Variants in MGMT observed in about 807,000 individuals in gnomAD.
MGMT encodes methylated-DNA--protein-cysteine methyltransferase.
A neutral mutation model predicts 15.9 loss-of-function variants in MGMT; 14 were observed. The observed-to-expected ratio is 0.88, with a 90% CI of 0.58 to 1.37. The LOEUF (loss-of-function observed/expected upper bound fraction) is 1.37, where lower values mean the gene tolerates loss of function less well. Ranked by LOEUF, MGMT falls within the 40% of genes most tolerant of loss-of-function variation. The pLI is 0.00. For synonymous variants in MGMT, 130 were observed against 118.2 expected (o/e 1.10, Z -0.65); for missense variants, 282 against 268.1 (o/e 1.05, Z -0.36).
At chr10:129,733,330 G>A (rs1163057851) in intron 3 of MGMT, among the ~76,000 whole-genome samples, 1 of 151,988 alleles carries the variant, frequency 6.6e-6, no homozygotes, top group East Asian at 1.9e-4. Context: ...ATTTTTTCAT[G>A]TGTTTTTTGG....
At chr10:129,536,796 G>C (rs1045560093) in intron 2 of MGMT, 1 of 153,180 alleles carries the variant, frequency 6.5e-6, no homozygotes, top group African/African-American at 2.4e-5. Context: ...TGTTCCTCCA[G>C]AGTCTGCCAG....
rs535968043 is a variant in MGMT, at chr10:129,524,647, A to G, written c.-12-11594A>G. ...CGCTCTGTCGCCCAGGCTGGAGTGC[A>G]GTGGCGTGATCTCAGCTCACTGCAA... is the stretch of plus-strand genomic sequence containing the variant. On this transcript the variant is annotated intron_variant, in intron 1 of 4. Coordinates refer to ENST00000651593, the MANE Select transcript of MGMT (RefSeq NM_002412.5). 4.0e-5 allele frequency among the ~76,000 whole-genome samples: 5 copies of G among 126,200 alleles called. No homozygotes were observed. The South Asian group carries it at 7.9e-4, about 20-fold the overall frequency. The allele number at this position is 126,200 out of a possible 152,430, so 82.8% of individuals were successfully genotyped here.
At chr10:129,644,522 G>A (rs566419596) in intron 2 of MGMT, among the ~76,000 whole-genome samples, 3 of 152,136 alleles carry the variant, frequency 2.0e-5, no homozygotes, top group Non-Finnish European at 4.4e-5. Flanking sequence ...CCACTGCAAA[G>A]GGCCCCATGA....
intron 2 of MGMT, among the ~76,000 whole-genome samples, chr10:129,606,493 A>T (rs1051172384): frequency 2.6e-5 from 4 of 152,220 alleles, no homozygotes; most frequent in Non-Finnish European, 2.9e-5. Flanking sequence ...TGCTGTGGGC[A>T]CCGAGGGCCT....
chr10:129,680,911 T>A (rs1300282530), intron 2 of MGMT, among the ~76,000 whole-genome samples: 1 of 152,204 alleles, frequency 6.6e-6, no homozygotes, highest in Non-Finnish European at 1.5e-5. Flanking sequence ...TGTGCGTGCT[T>A]CCTGAGCGAC....
chr10:129,540,812 G>A (rs1175985900), intron 2 of MGMT, among the ~76,000 whole-genome samples: 1 of 152,192 alleles, frequency 6.6e-6, no homozygotes, highest in African/African-American at 2.4e-5. Context: ...ATCTGGGTCT[G>A]GTGTCAGAAG....
chr10:129,565,049 G>A (rs975828581), intron 2 of MGMT, among the ~76,000 whole-genome samples: 2 of 152,218 alleles, frequency 1.3e-5, no homozygotes, highest in East Asian at 1.9e-4. Context: ...TTTGCGACAC[G>A]CACATTCTGC....
At chr10:129,588,266 C>T (rs559134446) in intron 2 of MGMT, among the ~76,000 whole-genome samples, 6 of 152,146 alleles carry the variant, frequency 3.9e-5, no homozygotes, top group Non-Finnish European at 7.3e-5. Flanking sequence ...TTGGTTTCAC[C>T]CGGAGAAACC....
chr10:129,618,061 C>G (rs1847048662), intron 2 of MGMT, among the ~76,000 whole-genome samples: 1 of 152,060 alleles, frequency 6.6e-6, no homozygotes, highest in African/African-American at 2.4e-5. Context: ...GGAGGCATCT[C>G]TGAAATTTCT....
In MGMT at chr10:129,759,121, G is replaced by A. The variant is rs546356899; in HGVS notation, c.275-81G>A. 74 of 1,549,860 alleles carry A rather than the reference G, an allele frequency of 4.8e-5. No homozygotes were observed. In the African/African-American group the frequency reaches 9.0e-4, roughly 19 times the overall value. ...CTCTATTTGTGTAGATGCGTTTCCT[G>A]TTTTGGGACTAGTGGCTATTTATAT... On this transcript the variant is annotated intron_variant, in intron 3 of 4. Coordinates refer to ENST00000651593, the MANE Select transcript of MGMT (RefSeq NM_002412.5).
At chr10:129,513,721 G>A (rs1302005369) in intron 1 of MGMT, among the ~76,000 whole-genome samples, 2 of 152,146 alleles carry the variant, frequency 1.3e-5, no homozygotes, top group Non-Finnish European at 2.9e-5. Flanking sequence ...TGTAAAACAA[G>A]GGAAGGCCAT....
intron 1 of MGMT, among the ~76,000 whole-genome samples, chr10:129,501,947 C>T (rs1320166434): frequency 6.6e-6 from 1 of 152,190 alleles, no homozygotes; most frequent in East Asian, 1.9e-4. Flanking sequence ...TGTGGTGCTT[C>T]TTGGTAGATG....
intron 2 of MGMT, among the ~76,000 whole-genome samples, chr10:129,646,109 A>G (rs1274031119): frequency 2.6e-5 from 4 of 152,196 alleles, no homozygotes; most frequent in Non-Finnish European, 5.9e-5. Flanking sequence ...TAAGCCAGAC[A>G]CTGCGTTTGA....
chr10:129,595,592 C>CT (rs1846742059), intron 2 of MGMT, among the ~76,000 whole-genome samples: 1 of 152,074 alleles, frequency 6.6e-6, no homozygotes, highest in Admixed American at 6.5e-5. Context: ...TGACTGGATG[C>CT]GTTTATGTGG....
chr10:129,713,073 C>T (rs1157523854), intron 3 of MGMT, among the ~76,000 whole-genome samples: 1 of 152,140 alleles, frequency 6.6e-6, no homozygotes, highest in Non-Finnish European at 1.5e-5. Context: ...CAGGCTTTGT[C>T]CTTTCAGCAC....
chr10:129,581,234 G>A (rs553465512), intron 2 of MGMT, among the ~76,000 whole-genome samples: 16 of 152,218 alleles, frequency 1.1e-4, no homozygotes, highest in African/African-American at 3.6e-4. Flanking sequence ...CATTCCATCC[G>A]CTGTGGCTGA....
chr10:129,489,212 T>C (rs1315751627), intron 1 of MGMT, among the ~76,000 whole-genome samples: 1 of 151,476 alleles, frequency 6.6e-6, no homozygotes, highest in African/African-American at 2.4e-5. Flanking sequence ...TAGAAAAAAT[T>C]AGCTGGGTGT....
intron 1 of MGMT, among the ~76,000 whole-genome samples, chr10:129,514,023 T>C (rs1187934807): frequency 6.6e-6 from 1 of 152,250 alleles, no homozygotes; most frequent in Non-Finnish European, 1.5e-5. Context: ...ACCAGCATTT[T>C]TCCTCTAATT....
At chr10:129,700,127 G>T (rs7068256) in intron 2 of MGMT, 10 of 151,936 alleles carry the variant, frequency 6.6e-5, no homozygotes, top group African/African-American at 2.4e-4. Flanking sequence ...AACAGCCCAC[G>T]GTGTGTGGTC....
Sources: allele counts gnomAD v4.1 joint callset (sites outside exome capture counted in the v4.1 genomes callset), GRCh38; gene constraint gnomAD v4.1.1; transcripts MANE v1.5; gene names NCBI Gene and HGNC (gene_info 2026-07-23, HGNC 2026-07-21).